Variants in ATXN7 observed in about 807,000 individuals in gnomAD.
ATXN7 encodes the protein ataxin 7, also known as ataxin-7.
ATXN7 carries 12 observed loss-of-function variants against 70.5 expected under a neutral mutation model. That is an observed-to-expected ratio of 0.17 (90% CI 0.11 to 0.28). The LOEUF is 0.28. Among genes scored for constraint, ATXN7 ranks in the 10% least tolerant of loss-of-function variants. The probability of loss-of-function intolerance (pLI) is 1.00; values close to 1 mark genes in which losing one functional copy is unlikely to be tolerated. For missense variants in ATXN7, 1,256 were observed against 1,131.7 expected (o/e 1.11, Z -1.58); for synonymous variants, 498 against 448.7 (o/e 1.11, Z -1.39).
In ATXN7 at chr3:63,863,870, A is replaced by G. The variant is rs1702312067; in HGVS notation, c.-399A>G. 1.7e-6 allele frequency: 2 copies of G among 1,182,090 alleles called. No individual in the cohort carries two copies. The highest frequency in any genetic ancestry group is 2.1e-6 in the Non-Finnish European group (2 of 963,696). The allele number at this position is 1,182,090 out of a possible 1,614,324, so 73.2% of individuals were successfully genotyped here. A position where few individuals can be genotyped will look rare whatever the true frequency, so the allele number is the denominator to read the frequency against. ...CGGCGGCGGAGGTCAAACTCCCACA[A>G]TGCAGCCGGGTAAACAGCCATGGAG... On this transcript the variant is annotated 5_prime_UTR_variant, in exon 1 of 13. An upstream start codon of the reference 5' UTR is lost. Transcript: ENST00000674280.
At chr3:63,966,562 T>A (rs2075226907) in intron 5 of ATXN7, among the ~76,000 whole-genome samples, 1 of 152,140 alleles carries the variant, frequency 6.6e-6, no homozygotes, top group South Asian at 2.1e-4. Context: ...AACGTTACTG[T>A]AAGGAATCTG....
At chr3:63,988,494 A>C (rs1326611474) in intron 9 of ATXN7, 170 bp downstream of exon 9, 1 of 882,454 alleles carries the variant, frequency 1.1e-6, no homozygotes, top group Non-Finnish European at 1.7e-6. Flanking sequence ...GAGTTCAGTA[A>C]GTTTCAACCA....
chr3:63,988,249 C>G lies in ATXN7; in HGVS notation c.1286C>G (p.Pro429Arg). ...PRTSQEPHQNPHGVIPSESKP... is the reference protein window; with the variant it reads ...PRTSQEPHQNRHGVIPSESKP... ...ACGTCACAGGAGCCGCACCAAAACC[C>G]TCACGGAGTGATTCCTTCCGAATCA... The change falls in exon 9 of 13, where the codon CCT becomes CGT. Residue 429 changes from proline (P) to arginine (R), a missense_variant. Transcript: ENST00000674280. The G allele has an allele frequency of 1.2e-6, 2 of 1,614,136 alleles. No individual in the cohort carries two copies. Among genetic ancestry groups the G allele is most frequent in the Non-Finnish European group, 1.7e-6 (2 of 1,180,030 alleles).
At chr3:63,979,500 G>T (rs747166412) in intron 5 of ATXN7, among the ~76,000 whole-genome samples, 7 of 152,156 alleles carry the variant, frequency 4.6e-5, no homozygotes, top group Non-Finnish European at 1.0e-4. Context: ...AGAGAGGTGC[G>T]GTGTTAGAAA....
At chr3:63,953,203 C>T (rs771702530) in intron 5 of ATXN7, among the ~76,000 whole-genome samples, 6 of 152,068 alleles carry the variant, frequency 3.9e-5, no homozygotes, top group Non-Finnish European at 8.8e-5. Flanking sequence ...TGCAAGCTTG[C>T]AATAGAGTAA....
intron 5 of ATXN7, among the ~76,000 whole-genome samples, chr3:63,957,713 A>AGGAAAATGGAAAGAGATTGGAAAG: frequency 6.6e-6 from 1 of 152,246 alleles, no homozygotes; most frequent in African/African-American, 2.4e-5. Context: ...TGATATTATC[A>AGGAAAATGGAAAGAGATTGGAAAG]GGAAAATGGA....
rs114890010 is a variant in ATXN7, at chr3:63,959,168, A to G, written c.499+6685A>G. The stretch of plus-strand genomic sequence containing the variant: ...TAATTCTAAATCATAGTCGCTATCT[A>G]AAGCCAAACTCCTCCTCTTTTTGTA... On this transcript the variant is annotated intron_variant, in intron 5 of 12. Transcript: ENST00000674280. Among the ~76,000 whole-genome samples the G allele has an allele frequency of 8.2e-3, 1,251 of 152,330 alleles. 18 individuals carry two copies. The highest frequency in any genetic ancestry group is 0.025 in the African/African-American group (1,058 of 41,570).
chr3:63,865,894 CAAAAAA>C (rs34205947), intron 1 of ATXN7, among the ~76,000 whole-genome samples: 148 of 16,500 alleles, frequency 9.0e-3, no homozygotes, highest in Admixed American at 0.011. Flanking sequence ...GACTCCATCT[CAAAAAA>C]AAAAAAAAAA....
intron 12 of ATXN7, among the ~76,000 whole-genome samples, chr3:63,996,840 G>A (rs2075768599): frequency 2.0e-5 from 3 of 152,206 alleles, no homozygotes; most frequent in Admixed American, 2.0e-4. Flanking sequence ...GTGCTGTGAA[G>A]TGTGTGCCAT....
chr3:63,973,689 A>G (rs2075350649), intron 5 of ATXN7, among the ~76,000 whole-genome samples: 1 of 152,036 alleles, frequency 6.6e-6, no homozygotes, highest in Non-Finnish European at 1.5e-5. Context: ...GAATGAGGAT[A>G]CGTGGAACAT....
At chr3:63,994,103 A>G (rs1040914913) in intron 11 of ATXN7, among the ~76,000 whole-genome samples, 1 of 152,180 alleles carries the variant, frequency 6.6e-6, no homozygotes, top group Non-Finnish European at 1.5e-5. Context: ...CACTCCCCGC[A>G]GAGACGCTGG....
intron 5 of ATXN7, among the ~76,000 whole-genome samples, chr3:63,977,244 T>G (rs2075403079): frequency 6.6e-6 from 1 of 152,240 alleles, no homozygotes; most frequent in African/African-American, 2.4e-5. Flanking sequence ...AAATTGTTTC[T>G]TAGTATATCG....
chr3:63,917,591 C>T (rs567856187), intron 4 of ATXN7, among the ~76,000 whole-genome samples: 4 of 152,218 alleles, frequency 2.6e-5, no homozygotes, highest in African/African-American at 4.8e-5. Flanking sequence ...TAAGTCTAAC[C>T]GTTGTGTGGT....
chr3:63,906,638 G>T (rs572745467), intron 2 of ATXN7, among the ~76,000 whole-genome samples: 1 of 152,340 alleles, frequency 6.6e-6, no homozygotes, highest in South Asian at 2.1e-4. Context: ...TGCTTAGTGA[G>T]AGGGTTCAGG....
rs1217684393 is a variant in ATXN7 at position 63,912,707 on chromosome 3, CAGCAGCA to C, written c.110_116del (p.Gln37ArgfsTer51). On this transcript the variant is annotated frameshift_variant, in exon 3 of 13. Transcript: ENST00000674280. LOFTEE classifies it high-confidence loss of function. Reference sequence around the variant, plus strand: ...CCGGCAGCAGCAGCAGCAGCAGCAGCAGCAGCAGCCGCCGCCTCCGCAGCCCCAGCGG... The same window carrying C: ...CCGGCAGCAGCAGCAGCAGCAGCAGCGCCGCCGCCTCCGCAGCCCCAGCGG... 1.6e-4 allele frequency: 189 copies of C among 1,200,896 alleles called. 1 individual carries two copies. The East Asian group carries it at 6.7e-3, about 43-fold the overall frequency. The allele number at this position is 1,200,896 out of a possible 1,614,324, so 74.4% of individuals were successfully genotyped here. A position where few individuals can be genotyped will look rare whatever the true frequency, so the allele number is the denominator to read the frequency against.
chr3:63,885,832 A>G (rs1703069846), intron 1 of ATXN7, among the ~76,000 whole-genome samples: 1 of 152,138 alleles, frequency 6.6e-6, no homozygotes, highest in East Asian at 1.9e-4. Context: ...CCGGGCCAAC[A>G]TGGTGCAACC....
rs1025894393 is a variant in ATXN7, at chr3:63,983,532, GT to G, written c.1095+512del. Among the ~76,000 whole-genome samples the G allele has an allele frequency of 4.6e-5, 7 of 152,162 alleles. No homozygotes were observed. In the East Asian group the frequency reaches 1.4e-3, roughly 29 times the overall value. ...CAGGCATGCCTGTAAGTCCCAGCTA[GT>G]GGGGAGGCTGAGGCAGAAGGATTGC... On this transcript the variant is annotated intron_variant, in intron 8 of 12. Coordinates refer to ENST00000674280, the MANE Select transcript of ATXN7 (RefSeq NM_001377405.1).
intron 4 of ATXN7, among the ~76,000 whole-genome samples, chr3:63,934,591 A>G (rs2074624505): frequency 6.6e-6 from 1 of 152,168 alleles, no homozygotes; most frequent in African/African-American, 2.4e-5. Flanking sequence ...TTTTTAAAGT[A>G]CTTCCTCTCT....
At chr3:63,935,994 A>G (rs2074655719) in intron 4 of ATXN7, among the ~76,000 whole-genome samples, 1 of 152,244 alleles carries the variant, frequency 6.6e-6, no homozygotes, top group East Asian at 1.9e-4. Flanking sequence ...GGCTAATTTT[A>G]CCAGTCATTC....
Sources: allele counts gnomAD v4.1 joint callset (sites outside exome capture counted in the v4.1 genomes callset), GRCh38; gene constraint gnomAD v4.1.1; transcripts MANE v1.5; gene names NCBI Gene and HGNC (gene_info 2026-07-23, HGNC 2026-07-21).